The following FGF12 variants were observed in gnomAD, a reference collection of about 807,000 sequenced individuals.
The protein encoded by FGF12 is fibroblast growth factor 12, also known as fibroblast growth factor 12B.
In FGF12, 14 loss-of-function variants were observed where a neutral mutation model predicts 23.6. That is an observed-to-expected ratio of 0.59 (90% confidence interval 0.39 to 0.93). The LOEUF is 0.93. Among genes scored for constraint, FGF12 ranks in the 40% least tolerant of loss-of-function variants. The pLI, the probability that FGF12 is intolerant of heterozygous loss-of-function variation, is 0.00. For missense variants in FGF12, 175 were observed against 217.8 expected (o/e 0.80, Z 1.24); for synonymous variants, 62 against 77.3 (o/e 0.80, Z 1.04).
At chr3:192,674,688 G>A (rs59446781) in intron 2 of FGF12, among the ~76,000 whole-genome samples, 5,079 of 152,288 alleles carry the variant, frequency 0.033, 234 homozygotes, top group East Asian at 0.2. Context: ...AATTCTCAAA[G>A]GTGAAAACTG....
At chr3:192,201,656 T>C (rs1354923748) in intron 4 of FGF12, among the ~76,000 whole-genome samples, 1 of 146,094 alleles carries the variant, frequency 6.8e-6, no homozygotes, top group African/African-American at 2.8e-5. Flanking sequence ...CTGTGGAAAC[T>C]CTATTAGCCT....
intron 4 of FGF12, among the ~76,000 whole-genome samples, chr3:192,213,259 G>T (rs182910128): frequency 1.3e-5 from 2 of 152,110 alleles, no homozygotes; most frequent in Non-Finnish European, 2.9e-5. Context: ...ATCTGAAAGC[G>T]TCTCCAATTC....
At chr3:192,645,934 T>C (rs921466549) in intron 2 of FGF12, among the ~76,000 whole-genome samples, 1 of 152,106 alleles carries the variant, frequency 6.6e-6, no homozygotes, top group African/African-American at 2.4e-5. Flanking sequence ...AGGGGCCATG[T>C]AATCTAGACT....
chr3:192,214,638 G>A (rs377708976), intron 4 of FGF12, among the ~76,000 whole-genome samples: 4 of 152,150 alleles, frequency 2.6e-5, no homozygotes, highest in East Asian at 1.9e-4. Flanking sequence ...ACTTACCCAC[G>A]AGCAGAAATA....
At chr3:192,544,696 A>G (rs1725453808) in intron 2 of FGF12, among the ~76,000 whole-genome samples, 1 of 152,044 alleles carries the variant, frequency 6.6e-6, no homozygotes, top group South Asian at 2.1e-4. Context: ...TTTCACATTC[A>G]TTTTATTATT....
At chr3:192,504,537 AC>A (rs1438158983) in intron 2 of FGF12, among the ~76,000 whole-genome samples, 1 of 151,870 alleles carries the variant, frequency 6.6e-6, no homozygotes, top group East Asian at 1.9e-4. Flanking sequence ...GGAAGAGAAA[AC>A]TTTTGTGTGT....
At chr3:192,550,812 T>C in intron 2 of FGF12, among the ~76,000 whole-genome samples, 1 of 152,304 alleles carries the variant, frequency 6.6e-6, no homozygotes, top group South Asian at 2.1e-4. Flanking sequence ...GTAGAAGACT[T>C]AAAATGAAAT....
chr3:192,599,269 A>AATAATAATAATAATTATTATT (rs1553837297), intron 2 of FGF12, among the ~76,000 whole-genome samples: 3 of 148,078 alleles, frequency 2.0e-5, no homozygotes, highest in African/African-American at 7.5e-5. Context: ...TAATAATAAT[A>AATAATAATAATAATTATTATT]ATAATAATAA....
chr3:192,282,278 A>ATGAATGAATGAGTGAATGAACTTGGC (rs1236906897), intron 4 of FGF12, among the ~76,000 whole-genome samples: 5 of 152,166 alleles, frequency 3.3e-5, no homozygotes, highest in Non-Finnish European at 7.3e-5. Context: ...TTTTGAGTAA[A>ATGAATGAATGAGTGAATGAACTTGGC]TGAATGAATG....
chr3:192,309,902 A>C (rs771781549), intron 4 of FGF12, among the ~76,000 whole-genome samples: 1 of 152,182 alleles, frequency 6.6e-6, no homozygotes, highest in East Asian at 1.9e-4. Context: ...TGTACTTCTC[A>C]GTATTTATTT....
At chr3:192,592,471 G>T (rs12486341) in intron 2 of FGF12, among the ~76,000 whole-genome samples, 39,889 of 151,576 alleles carry the variant, frequency 0.26, 6,043 homozygotes, top group East Asian at 0.52. Flanking sequence ...TTTTCTGCTG[G>T]TTTTTTCCCC....
At chr3:192,264,230 G>T (rs1329266793) in intron 4 of FGF12, among the ~76,000 whole-genome samples, 1 of 152,030 alleles carries the variant, frequency 6.6e-6, no homozygotes, top group Non-Finnish European at 1.5e-5. Flanking sequence ...TATTCTCCAA[G>T]CACACGATAA....
chr3:192,556,138 T>G (rs1053481227), intron 2 of FGF12, among the ~76,000 whole-genome samples: 1 of 151,924 alleles, frequency 6.6e-6, no homozygotes, highest in South Asian at 2.1e-4. Context: ...AGAAAACAAC[T>G]AATAAAATGG....
intron 2 of FGF12, among the ~76,000 whole-genome samples, chr3:192,390,180 A>T (rs1302902713): frequency 6.6e-6 from 1 of 152,236 alleles, no homozygotes; most frequent in East Asian, 1.9e-4. Flanking sequence ...CTGCTGAGAC[A>T]TGCAGCCATA....
chr3:192,207,284 T>G (rs1226316862), intron 4 of FGF12, among the ~76,000 whole-genome samples: 1 of 152,226 alleles, frequency 6.6e-6, no homozygotes, highest in Non-Finnish European at 1.5e-5. Flanking sequence ...AAGATTATGA[T>G]GTCATGCCTC....
At chr3:192,508,902 T>C (rs1183815105) in intron 2 of FGF12, among the ~76,000 whole-genome samples, 1 of 152,168 alleles carries the variant, frequency 6.6e-6, no homozygotes, top group East Asian at 1.9e-4. Context: ...CCATTAAACA[T>C]TAAATCAAGT....
intron 2 of FGF12, among the ~76,000 whole-genome samples, chr3:192,541,236 G>A (rs544758621): frequency 1.3e-5 from 2 of 151,900 alleles, no homozygotes; most frequent in Non-Finnish European, 2.9e-5. Flanking sequence ...TTTAGCAAGG[G>A]TGATTTTCTC....
chr3:192,554,527 G>A (rs1416019997), intron 2 of FGF12, among the ~76,000 whole-genome samples: 6 of 152,180 alleles, frequency 3.9e-5, no homozygotes, highest in Non-Finnish European at 5.9e-5. Context: ...AAAAGTTTGA[G>A]AAGCTCTCTA....
At chr3:192,470,557 T>C (rs1723142179) in intron 2 of FGF12, among the ~76,000 whole-genome samples, 1 of 151,938 alleles carries the variant, frequency 6.6e-6, no homozygotes, top group African/African-American at 2.4e-5. Flanking sequence ...CCTAGCTAAT[T>C]TTTGTATTTT....
Sources: allele counts gnomAD v4.1 joint callset (sites outside exome capture counted in the v4.1 genomes callset), GRCh38; gene constraint gnomAD v4.1.1; transcripts MANE v1.5; gene names NCBI Gene and HGNC (gene_info 2026-07-23, HGNC 2026-07-21).